KIAA1217: variants seen among roughly 807,000 people sequenced by gnomAD.
The protein encoded by KIAA1217 is KIAA1217, also known as sickle tail protein homolog.
A neutral mutation model predicts 163.9 loss-of-function variants in KIAA1217; 88 were observed. The observed-to-expected ratio is 0.54, with a 90% CI of 0.45 to 0.64. The LOEUF (loss-of-function observed/expected upper bound fraction) is 0.64. Among genes scored for constraint, KIAA1217 ranks in the 30% least tolerant of loss-of-function variants. The pLI, the probability that KIAA1217 is intolerant of heterozygous loss-of-function variation, is 0.00. For synonymous variants in KIAA1217, 903 were observed against 923.1 expected, an observed-to-expected ratio of 0.98 and a Z score of 0.39; for missense variants, 2,372 against 2,475.0, an observed-to-expected ratio of 0.96 and a Z score of 0.88.
chr10:24,191,140 G>A (rs960200126), intron 2 of KIAA1217, among the ~76,000 whole-genome samples: 17 of 152,144 alleles, frequency 1.1e-4, no homozygotes, highest in African/African-American at 3.9e-4. Context: ...AGACTGTGGC[G>A]CTGCACTTCA....
At chr10:23,709,810 C>T (rs1837132102) in intron 1 of KIAA1217, among the ~76,000 whole-genome samples, 1 of 152,162 alleles carries the variant, frequency 6.6e-6, no homozygotes, top group Admixed American at 6.5e-5. Context: ...TGAAGTAACT[C>T]ACCCAAGGTC....
intron 1 of KIAA1217, among the ~76,000 whole-genome samples, chr10:23,750,752 G>C (rs1158651759): frequency 2.0e-5 from 3 of 152,068 alleles, no homozygotes; most frequent in Non-Finnish European, 4.4e-5. Context: ...ACTGCGTAAT[G>C]GTGGCACAAA....
chr10:23,768,112 A>G (rs1246874448), intron 1 of KIAA1217, among the ~76,000 whole-genome samples: 1 of 152,220 alleles, frequency 6.6e-6, no homozygotes, highest in African/African-American at 2.4e-5. Context: ...ATGAACAGTA[A>G]TCCCACCCAT....
chr10:24,135,430 G>A (rs2131818517), intron 2 of KIAA1217, among the ~76,000 whole-genome samples: 1 of 152,110 alleles, frequency 6.6e-6, no homozygotes, highest in African/African-American at 2.4e-5. Flanking sequence ...CGCTGGGATT[G>A]GCGTGGGGAC....
At chr10:24,118,273 A>T (rs1023436454) in intron 2 of KIAA1217, among the ~76,000 whole-genome samples, 1 of 151,974 alleles carries the variant, frequency 6.6e-6, no homozygotes, top group Non-Finnish European at 1.5e-5. Flanking sequence ...GATGACAAAC[A>T]GGGCCCTATA....
At position 24,362,770 on chromosome 10, in the gene KIAA1217, G is replaced by A. The variant is rs551039316; in HGVS notation, c.355-18099G>A. ...AATCCCAGCACTTTGAGAGGCCAGG[G>A]TAGGCAGATCACTTGAGGCCCGGAG... On this transcript the variant is annotated intron_variant, in intron 2 of 20. Transcript: ENST00000376454. Among the ~76,000 whole-genome samples the A allele has an allele frequency of 2.0e-5, 3 of 152,280 alleles. No homozygotes were observed. In the East Asian group the frequency reaches 5.8e-4, roughly 29 times the overall value.
intron 1 of KIAA1217, among the ~76,000 whole-genome samples, chr10:23,925,589 T>G (rs193295728): frequency 6.6e-6 from 1 of 152,346 alleles, no homozygotes; most frequent in East Asian, 1.9e-4. Context: ...TTCACTTTTA[T>G]GCTGTGTTCC....
At chr10:23,926,762 G>C (rs1350537307) in intron 1 of KIAA1217, among the ~76,000 whole-genome samples, 1 of 105,750 alleles carries the variant, frequency 9.5e-6, no homozygotes, top group African/African-American at 4.4e-5. Context: ...AATAAATAAA[G>C]TGCCTGGAAA....
intron 1 of KIAA1217, among the ~76,000 whole-genome samples, chr10:23,773,834 G>C (rs1236508400): frequency 6.6e-6 from 1 of 152,092 alleles, no homozygotes; most frequent in Non-Finnish European, 1.5e-5. Flanking sequence ...TGCTGAAGTT[G>C]CTTATCAGCT....
chr10:24,271,695 G>A (rs928726357), intron 2 of KIAA1217, among the ~76,000 whole-genome samples: 5 of 151,926 alleles, frequency 3.3e-5, no homozygotes, highest in Non-Finnish European at 7.4e-5. Flanking sequence ...TGAGGCTGCA[G>A]TGTGTCGAGA....
intron 1 of KIAA1217, among the ~76,000 whole-genome samples, chr10:23,930,260 AT>A (rs140536849): frequency 0.025 from 3,876 of 152,052 alleles, 161 homozygotes; most frequent in African/African-American, 0.088. Context: ...TTATTGATTT[AT>A]TTATGTTTCT....
intron 2 of KIAA1217, among the ~76,000 whole-genome samples, chr10:24,160,737 C>T (rs2065081968): frequency 6.6e-6 from 1 of 152,140 alleles, no homozygotes; most frequent in East Asian, 1.9e-4. Flanking sequence ...TCCTCTTTTG[C>T]AAAAGCAGCT....
intron 2 of KIAA1217, among the ~76,000 whole-genome samples, chr10:24,024,774 C>A (rs1251822957): frequency 6.6e-6 from 1 of 151,636 alleles, no homozygotes; most frequent in Non-Finnish European, 1.5e-5. Flanking sequence ...ATTTGCATAT[C>A]CTTCATGAGC....
At chr10:24,220,931 T>G (rs1330410098) in intron 2 of KIAA1217, among the ~76,000 whole-genome samples, 1 of 152,022 alleles carries the variant, frequency 6.6e-6, no homozygotes, top group Non-Finnish European at 1.5e-5. Flanking sequence ...GCTCATTTTT[T>G]ATTTTTGGTA....
chr10:23,742,036 G>A (rs546912581), intron 1 of KIAA1217, among the ~76,000 whole-genome samples: 9 of 152,258 alleles, frequency 5.9e-5, no homozygotes, highest in Admixed American at 5.9e-4. Context: ...GGGCAGGCAG[G>A]CCAATTAAGG....
chr10:24,377,626 C>A (rs7070844), intron 2 of KIAA1217, among the ~76,000 whole-genome samples: 25,804 of 152,084 alleles, frequency 0.17, 2,619 homozygotes, highest in East Asian at 0.37. Flanking sequence ...AGTAAGATTT[C>A]TTTAATGCCT....
At chr10:24,407,409 T>G (rs2057341197) in intron 3 of KIAA1217, among the ~76,000 whole-genome samples, 1 of 152,192 alleles carries the variant, frequency 6.6e-6, no homozygotes, top group African/African-American at 2.4e-5. Flanking sequence ...TCCTCCTGCC[T>G]CAGCCTCCCA....
At chr10:23,933,010 T>A (rs1843320841) in intron 1 of KIAA1217, among the ~76,000 whole-genome samples, 1 of 152,244 alleles carries the variant, frequency 6.6e-6, no homozygotes, top group Non-Finnish European at 1.5e-5. Context: ...GTTGATTAGC[T>A]AGAACTATGG....
intron 2 of KIAA1217, among the ~76,000 whole-genome samples, chr10:24,063,421 G>C (rs565728479): frequency 5.3e-5 from 8 of 151,948 alleles, no homozygotes; most frequent in Non-Finnish European, 1.2e-4. Flanking sequence ...TCTTCTTTTT[G>C]TCAGGTTTGT....
Sources: gnomAD v4.1 joint callset for allele counts (sites outside exome capture counted in the v4.1 genomes callset) on GRCh38, gnomAD v4.1.1 for gene constraint, MANE v1.5 for transcripts, NCBI Gene and HGNC (gene_info 2026-07-23, HGNC 2026-07-21) for gene names.